Variants in PPP2R2B observed in about 807,000 individuals in gnomAD.
PPP2R2B encodes the protein protein phosphatase 2 regulatory subunit Bbeta.
In PPP2R2B, 5 loss-of-function variants were observed where a neutral mutation model predicts 46.0. That is an observed-to-expected ratio of 0.11 (90% CI 0.06 to 0.23). PPP2R2B has a LOEUF of 0.23. PPP2R2B is among the 10% of genes least tolerant of loss of function. The pLI is 1.00. For missense variants in PPP2R2B, 367 were observed against 575.0 expected, an observed-to-expected ratio of 0.64 and a Z score of 3.70; for synonymous variants, 215 against 206.7, an observed-to-expected ratio of 1.04 and a Z score of -0.34.
intron 1 of PPP2R2B, among the ~76,000 whole-genome samples, chr5:146,888,044 G>C (rs778031997): frequency 2.6e-5 from 4 of 152,088 alleles, no homozygotes; most frequent in Non-Finnish European, 4.4e-5. Context: ...CCTGGGCATT[G>C]CTCTCTCTTT....
chr5:146,812,510 G>A lies in PPP2R2B; in HGVS notation c.70+65492C>T, dbSNP rs574097681. ...TATATATATACTGTATATATATACA[G>A]TATATATATATATACTGCTATCACT... On this transcript the variant is annotated intron_variant, in intron 2 of 9. Transcript: ENST00000394411. Among the ~76,000 whole-genome samples, 35 of 19,856 alleles carry A rather than the reference G, an allele frequency of 1.8e-3. 1 individual carries two copies. Among genetic ancestry groups the A allele is most frequent in the African/African-American group, 4.3e-3 (33 of 7,630 alleles). The allele number at this position is 19,856 out of a possible 152,430, so 13.0% of individuals were successfully genotyped here.
intron 2 of PPP2R2B, among the ~76,000 whole-genome samples, chr5:146,741,007 A>T (rs1752842434): frequency 6.7e-6 from 1 of 149,870 alleles, no homozygotes; most frequent in African/African-American, 2.5e-5. Flanking sequence ...ACCGCACTCT[A>T]GCCAAGCGAC....
intron 2 of PPP2R2B, among the ~76,000 whole-genome samples, chr5:147,080,427 C>T (rs896866841): frequency 3.3e-5 from 5 of 152,152 alleles, no homozygotes; most frequent in Non-Finnish European, 7.3e-5. Flanking sequence ...AATTGCCTAT[C>T]ATCCAGTGTT....
intron 1 of PPP2R2B, among the ~76,000 whole-genome samples, chr5:146,924,979 G>C (rs758472070): frequency 6.6e-6 from 1 of 152,022 alleles, no homozygotes; most frequent in Non-Finnish European, 1.5e-5. Context: ...GCGTTTTAAT[G>C]TATCATGATC....
At chr5:146,769,403 G>A (rs1754698984) in intron 2 of PPP2R2B, among the ~76,000 whole-genome samples, 1 of 152,190 alleles carries the variant, frequency 6.6e-6, no homozygotes, top group African/African-American at 2.4e-5. Flanking sequence ...GCTAAAGTTT[G>A]CGCAGTTCTA....
At chr5:147,081,334 T>A in exon 1 of PPP2R2B, 1 of 1,522,208 alleles carries the variant, frequency 6.6e-7, no homozygotes, top group Non-Finnish European at 8.8e-7. Flanking sequence ...CGTCCTGCTG[T>A]GAATCACTGC....
At chr5:146,601,715 A>G (rs1771800361) in intron 7 of PPP2R2B, among the ~76,000 whole-genome samples, 1 of 152,218 alleles carries the variant, frequency 6.6e-6, no homozygotes, top group African/African-American at 2.4e-5. Context: ...AAATTTCTAA[A>G]TTTGTATAAA....
chr5:146,855,012 A>G (rs1281562458), intron 2 of PPP2R2B, among the ~76,000 whole-genome samples: 1 of 152,168 alleles, frequency 6.6e-6, no homozygotes, highest in African/African-American at 2.4e-5. Flanking sequence ...TGGAGGAGGA[A>G]TAGGGGGCAT....
intron 2 of PPP2R2B, among the ~76,000 whole-genome samples, chr5:146,721,014 G>C (rs1049224169): frequency 6.6e-6 from 1 of 152,170 alleles, no homozygotes; most frequent in South Asian, 2.1e-4. Flanking sequence ...TAGAGAAACA[G>C]ATAATTTATT....
chr5:146,827,738 T>C (rs1203343538), intron 2 of PPP2R2B, among the ~76,000 whole-genome samples: 1 of 152,182 alleles, frequency 6.6e-6, no homozygotes, highest in Non-Finnish European at 1.5e-5. Context: ...GGTTTCACTT[T>C]CCTGGCTTTG....
chr5:146,820,092 C>A (rs1312648383), intron 2 of PPP2R2B, among the ~76,000 whole-genome samples: 1 of 152,066 alleles, frequency 6.6e-6, no homozygotes. Flanking sequence ...TCAATGGGTA[C>A]AAAGCCAGTT....
At chr5:146,870,591 A>T (rs747898350) in intron 2 of PPP2R2B, among the ~76,000 whole-genome samples, 1 of 152,322 alleles carries the variant, frequency 6.6e-6, no homozygotes, top group Non-Finnish European at 1.5e-5. Context: ...TGGCGTTTTT[A>T]AAAATGCAGT....
At chr5:146,756,890 C>T (rs1207762184) in intron 2 of PPP2R2B, among the ~76,000 whole-genome samples, 2 of 152,206 alleles carry the variant, frequency 1.3e-5, no homozygotes, top group East Asian at 1.9e-4. Flanking sequence ...CAGGCTGAAG[C>T]TCCAAGGATA....
intron 2 of PPP2R2B, among the ~76,000 whole-genome samples, chr5:146,725,636 A>T (rs1454110304): frequency 6.6e-6 from 1 of 152,198 alleles, no homozygotes; most frequent in East Asian, 1.9e-4. Context: ...AGAACAAAGA[A>T]ATCTTCAAAC....
chr5:146,932,733 G>A (rs557854197), intron 1 of PPP2R2B, among the ~76,000 whole-genome samples: 1 of 152,162 alleles, frequency 6.6e-6, no homozygotes, highest in South Asian at 2.1e-4. Context: ...TAGTGGCCCA[G>A]GTGGCTGAAT....
At position 146,678,136 on chromosome 5, in the gene PPP2R2B, A is replaced by G. The variant is rs150932574; in HGVS notation, c.447+12992T>C. On this transcript the variant is annotated intron_variant, in intron 5 of 9. Transcript: ENST00000394411. Reference sequence around the variant, plus strand: ...TGGTTAAGAGAACATTGATGCAAAAATCCTCAATAAAATACTGGCAAAACG... The same window carrying G: ...TGGTTAAGAGAACATTGATGCAAAAGTCCTCAATAAAATACTGGCAAAACG... Among the ~76,000 whole-genome samples, 1,058 of 152,230 alleles carry G rather than the reference A, an allele frequency of 7.0e-3. 26 individuals carry two copies. The highest frequency in any genetic ancestry group is 0.042 in the Admixed American group (639 of 15,290).
intron 1 of PPP2R2B, among the ~76,000 whole-genome samples, chr5:146,947,269 G>T (rs546597600): frequency 6.6e-6 from 1 of 152,244 alleles, no homozygotes; most frequent in Non-Finnish European, 1.5e-5. Context: ...CTACTTTGGG[G>T]TCTATCTCTT....
At chr5:147,063,665 A>G (rs1757336057) in intron 2 of PPP2R2B, among the ~76,000 whole-genome samples, 1 of 152,212 alleles carries the variant, frequency 6.6e-6, no homozygotes, top group Non-Finnish European at 1.5e-5. Flanking sequence ...TATTATGAAG[A>G]GGAACCAATA....
At chr5:146,937,728 G>T (rs1040137799) in intron 1 of PPP2R2B, among the ~76,000 whole-genome samples, 1 of 152,040 alleles carries the variant, frequency 6.6e-6, no homozygotes, top group South Asian at 2.1e-4. Flanking sequence ...GCTGCAGGTC[G>T]CTCGGTACAG....
Sources: allele counts gnomAD v4.1 joint callset (sites outside exome capture counted in the v4.1 genomes callset), GRCh38; gene constraint gnomAD v4.1.1; transcripts MANE v1.5; gene names NCBI Gene and HGNC (gene_info 2026-07-23, HGNC 2026-07-21).